PHIP: variants seen among roughly 807,000 people sequenced by gnomAD.
PHIP encodes PHIP subunit of CUL4-Ring ligase complex.
A neutral mutation model predicts 236.8 loss-of-function variants in PHIP; 54 were observed. That is an observed-to-expected ratio of 0.23 (90% CI 0.18 to 0.29). PHIP has a LOEUF of 0.29. Ranked by LOEUF, PHIP falls within the 10% of genes least tolerant of loss-of-function variation. The probability of loss-of-function intolerance (pLI) is 1.00; values close to 1 mark genes in which losing one functional copy is unlikely to be tolerated. For synonymous variants in PHIP, 756 were observed against 718.9 expected (o/e 1.05, Z -0.83); for missense variants, 1,370 against 2,190.8 (o/e 0.63, Z 7.48).
intron 9 of PHIP, among the ~76,000 whole-genome samples, chr6:79,022,821 T>C (rs970748440): frequency 2.0e-5 from 3 of 152,206 alleles, no homozygotes; most frequent in Non-Finnish European, 4.4e-5. Flanking sequence ...TTTATAAAGA[T>C]ATTTGAGTTC....
intron 17 of PHIP, among the ~76,000 whole-genome samples, chr6:78,999,797 A>G (rs1245268854): frequency 6.6e-6 from 1 of 152,044 alleles, no homozygotes; most frequent in Admixed American, 6.6e-5. Flanking sequence ...GCATAATTTC[A>G]TTTATAAAAG....
At chr6:79,023,079 G>A (rs1193210301) in intron 9 of PHIP, among the ~76,000 whole-genome samples, 1 of 152,156 alleles carries the variant, frequency 6.6e-6, no homozygotes, top group Non-Finnish European at 1.5e-5. Context: ...GATTGTTCTT[G>A]TTTTTGTGTT....
intron 32 of PHIP, chr6:78,958,207 C>CT (rs765490474): frequency 4.3e-5 from 11 of 254,782 alleles, no homozygotes; most frequent in South Asian, 1.4e-4. Context: ...AGAAAATAAT[C>CT]TTTTTTTAAA....
chr6:78,957,607 T>C (rs988109082), intron 32 of PHIP: 1 of 150,958 alleles, frequency 6.6e-6, no homozygotes, highest in Non-Finnish European at 1.5e-5. Context: ...TGAATAATCC[T>C]GAATTTTTCA....
chr6:79,001,888 T>C lies in PHIP; in HGVS notation c.1879+11A>G. The C allele has an allele frequency of 1.9e-6, 3 of 1,556,094 alleles. No homozygotes were observed. The highest frequency in any genetic ancestry group is 2.7e-6 in the Non-Finnish European group (3 of 1,127,710). On this transcript the variant is annotated intron_variant, in intron 17 of 39. Transcript: ENST00000275034. ...AAGAAAATTTGATTGTCTAAGAAAA[T>C]GAGCACCTACCTGAGGAAGTTACTC...
At position 78,937,693 on chromosome 6, in the gene PHIP, T is replaced by C. The variant is rs1484361249; in HGVS notation, c.*3000A>G. 1 of 150,518 alleles carries C rather than the reference T, an allele frequency of 6.6e-6. No homozygotes were observed. The highest frequency in any genetic ancestry group is 1.5e-5 in the Non-Finnish European group (1 of 67,194). 9.3% of individuals were successfully genotyped at this position (150,518 alleles called of 1,614,324 possible). ...ATTGAAATAAGGCCAATCTTTAGTT[T>C]ATAATACATGCAGAAAATAGTCCAA... On this transcript the variant is annotated 3_prime_UTR_variant, in exon 40 of 40. Transcript: ENST00000275034.
At chr6:79,007,883 G>A (rs544809639) in intron 15 of PHIP, among the ~76,000 whole-genome samples, 11 of 151,972 alleles carry the variant, frequency 7.2e-5, no homozygotes, top group African/African-American at 2.7e-4. Flanking sequence ...TTAGATTAGA[G>A]CTTGCCAACC....
intron 4 of PHIP, among the ~76,000 whole-genome samples, chr6:79,069,364 T>G (rs966698601): frequency 6.6e-6 from 1 of 151,900 alleles, no homozygotes; most frequent in East Asian, 1.9e-4. Context: ...AAAGAAAGAA[T>G]GCATTTTCTG....
intron 27 of PHIP, among the ~76,000 whole-genome samples, chr6:78,966,767 GA>G (rs1480466326): frequency 6.6e-6 from 1 of 152,170 alleles, no homozygotes; most frequent in African/African-American, 2.4e-5. Context: ...TGTGTCATAA[GA>G]AAACTGTAAG....
chr6:79,071,132 T>C (rs1582323597), intron 4 of PHIP, among the ~76,000 whole-genome samples: 1 of 152,230 alleles, frequency 6.6e-6, no homozygotes, highest in East Asian at 1.9e-4. Context: ...CATCCTTTTC[T>C]TACCTGTGAT....
chr6:79,019,691 G>A (rs959978982), intron 9 of PHIP, among the ~76,000 whole-genome samples: 2 of 151,982 alleles, frequency 1.3e-5, no homozygotes, highest in Non-Finnish European at 2.9e-5. Context: ...TTAACCTAGT[G>A]AAAATCTGAA....
intron 7 of PHIP, among the ~76,000 whole-genome samples, chr6:79,040,021 A>G (rs1182102112): frequency 1.3e-5 from 2 of 152,168 alleles, no homozygotes; most frequent in Non-Finnish European, 2.9e-5. Flanking sequence ...ATTCTTGTAT[A>G]CCATTTATAA....
intron 4 of PHIP, among the ~76,000 whole-genome samples, chr6:79,063,569 ACCT>A (rs1773488556): frequency 6.6e-6 from 1 of 151,672 alleles, no homozygotes; most frequent in Non-Finnish European, 1.5e-5. Flanking sequence ...GCGCCCCACC[ACCT>A]AACCTGGCTA....
chr6:78,949,561 C>A (rs1774024691), intron 35 of PHIP, among the ~76,000 whole-genome samples: 1 of 152,108 alleles, frequency 6.6e-6, no homozygotes, highest in African/African-American at 2.4e-5. Flanking sequence ...CCTGCAGAAA[C>A]CCCAATAAAG....
chr6:78,949,024 G>A (rs1387310351), intron 35 of PHIP, among the ~76,000 whole-genome samples: 1 of 151,942 alleles, frequency 6.6e-6, no homozygotes, highest in African/African-American at 2.4e-5. Flanking sequence ...GTACTACATT[G>A]AATAGCAGTG....
intron 6 of PHIP, among the ~76,000 whole-genome samples, chr6:79,054,579 C>A (rs996516852): frequency 1.6e-4 from 24 of 150,978 alleles, no homozygotes; most frequent in Non-Finnish European, 2.4e-4. Context: ...AGGAAAAAAA[C>A]CCCATATATT....
chr6:78,945,888 AAAC>A (rs1773784673), intron 38 of PHIP, 110 bp downstream of exon 38: 1 of 765,122 alleles, frequency 1.3e-6, no homozygotes, highest in South Asian at 1.9e-5. Context: ...AAGAAGGCAA[AAAC>A]AACAGTGTCT....
chr6:78,988,144 T>G (rs1388506758), intron 21 of PHIP, 65 bp downstream of exon 21: 3 of 1,193,458 alleles, frequency 2.5e-6, no homozygotes, highest in Non-Finnish European at 3.5e-6. Flanking sequence ...ATGCGAAGAA[T>G]GAAACTCATA....
At chr6:79,022,715 T>A (rs1348726445) in intron 9 of PHIP, among the ~76,000 whole-genome samples, 1 of 152,198 alleles carries the variant, frequency 6.6e-6, no homozygotes, top group Non-Finnish European at 1.5e-5. Context: ...CCCAGAGACC[T>A]CTGGAGCTAG....
Sources: allele counts gnomAD v4.1 joint callset (sites outside exome capture counted in the v4.1 genomes callset), GRCh38; gene constraint gnomAD v4.1.1; transcripts MANE v1.5; gene names NCBI Gene and HGNC (gene_info 2026-07-23, HGNC 2026-07-21).